Variants in COL24A1 observed in about 807,000 individuals in gnomAD.
COL24A1 encodes the protein collagen alpha-1(XXIV) chain.
Under a neutral mutation model 253.9 loss-of-function variants are expected in COL24A1, and 224 were observed. That is an observed-to-expected ratio of 0.88 (90% CI 0.79 to 0.99). The LOEUF is 0.99. Ranked by LOEUF, COL24A1 falls within the 50% of genes least tolerant of loss-of-function variation. The probability of loss-of-function intolerance (pLI) is 0.00; values close to 1 mark genes in which losing one functional copy is unlikely to be tolerated. For missense variants in COL24A1, 2,131 were observed against 2,068.5 expected, an observed-to-expected ratio of 1.03 and a Z score of -0.59; for synonymous variants, 685 against 673.7, an observed-to-expected ratio of 1.02 and a Z score of -0.26.
chr1:86,003,840 G>C (rs1695672376), intron 19 of COL24A1, among the ~76,000 whole-genome samples: 1 of 152,088 alleles, frequency 6.6e-6, no homozygotes. Context: ...CATGGGATTA[G>C]GCAAAGAGTA....
intron 47 of COL24A1, among the ~76,000 whole-genome samples, chr1:85,809,799 G>A (rs972188377): frequency 6.8e-6 from 1 of 146,520 alleles, no homozygotes; most frequent in Non-Finnish European, 1.5e-5. Context: ...ATTATATATA[G>A]TATATAATAT....
intron 24 of COL24A1, among the ~76,000 whole-genome samples, chr1:85,937,145 T>C (rs150105801): frequency 6.8e-6 from 1 of 147,466 alleles, no homozygotes; most frequent in Non-Finnish European, 1.5e-5. Flanking sequence ...CCAAACTTGG[T>C]TTATGGATAG....
intron 7 of COL24A1, among the ~76,000 whole-genome samples, chr1:86,087,819 C>A (rs1385863189): frequency 6.6e-6 from 1 of 152,284 alleles, no homozygotes; most frequent in Non-Finnish European, 1.5e-5. Context: ...GAAAAGATCA[C>A]TGCAGTTTCA....
chr1:85,988,834 A>G (rs1318956976), intron 19 of COL24A1, among the ~76,000 whole-genome samples: 1 of 152,132 alleles, frequency 6.6e-6, no homozygotes, highest in Non-Finnish European at 1.5e-5. Flanking sequence ...CTCGACTCAG[A>G]TTTAAAGCTT....
At chr1:86,135,766 G>A (rs1023663425) in intron 2 of COL24A1, among the ~76,000 whole-genome samples, 2 of 151,872 alleles carry the variant, frequency 1.3e-5, no homozygotes, top group Non-Finnish European at 2.9e-5. Context: ...GTGATAAGGG[G>A]GACATATTTG....
chr1:86,093,382 G>A (rs1212498992), intron 5 of COL24A1, among the ~76,000 whole-genome samples: 1 of 151,996 alleles, frequency 6.6e-6, no homozygotes, highest in Admixed American at 6.6e-5. Flanking sequence ...TTATTGAATA[G>A]GGAATCCTTT....
chr1:85,775,094 G>A (rs1198732576), intron 53 of COL24A1, among the ~76,000 whole-genome samples: 1 of 152,152 alleles, frequency 6.6e-6, no homozygotes, highest in African/African-American at 2.4e-5. Flanking sequence ...TGGTTTCAAA[G>A]AACATCTTTA....
chr1:85,836,815 G>A (rs1456004356), intron 43 of COL24A1, among the ~76,000 whole-genome samples: 10 of 152,174 alleles, frequency 6.6e-5, no homozygotes, highest in Non-Finnish European at 7.3e-5. Context: ...ATACAAGGAA[G>A]GGGAAGGAGA....
chr1:86,036,291 G>A (rs1699013946), intron 12 of COL24A1, among the ~76,000 whole-genome samples: 1 of 151,954 alleles, frequency 6.6e-6, no homozygotes, highest in South Asian at 2.1e-4. Context: ...CCAAGCCGTT[G>A]TGTATTGTTT....
At chr1:85,748,231 G>A (rs1385041832) in intron 55 of COL24A1, among the ~76,000 whole-genome samples, 1 of 152,166 alleles carries the variant, frequency 6.6e-6, no homozygotes, top group Admixed American at 6.5e-5. Flanking sequence ...AACTACTCAT[G>A]TCTTAATAAT....
At position 85,849,402 on chromosome 1, in the gene COL24A1, G is replaced by A. The variant is rs1274264954; in HGVS notation, c.3305C>T (p.Pro1102Leu). Residue 1102 changes from proline (P) to leucine (L), a missense_variant, in exon 38 of 60, where the codon CCT becomes CTT. Pro to Leu is a moderately conservative substitution (Grantham distance 98, BLOSUM62 -3). Coordinates refer to ENST00000370571, the MANE Select transcript of COL24A1 (RefSeq NM_152890.7). Reference sequence around the variant, plus strand: ...CCCTGGAATTCCCACAATTCCTTCAGGTCCCTAAAATATTCAATATAAAAA... The same window carrying A: ...CCCTGGAATTCCCACAATTCCTTCAAGTCCCTAAAATATTCAATATAAAAA... ...GRSGQTGLPG[P>L]EGIVGIPGQR... 5.0e-6 allele frequency: 8 copies of A among 1,610,482 alleles called. No individual in the cohort carries two copies. Among genetic ancestry groups the A allele is most frequent in the Non-Finnish European group, 6.8e-6 (8 of 1,177,888 alleles).
At chr1:85,873,520 G>T (rs1467489166) in intron 35 of COL24A1, among the ~76,000 whole-genome samples, 1 of 152,196 alleles carries the variant, frequency 6.6e-6, no homozygotes, top group Non-Finnish European at 1.5e-5. Context: ...AAAAAAGGAT[G>T]AGTTCATGTT....
intron 24 of COL24A1, among the ~76,000 whole-genome samples, chr1:85,959,406 A>C (rs1690794026): frequency 6.6e-6 from 1 of 152,120 alleles, no homozygotes; most frequent in African/African-American, 2.4e-5. Flanking sequence ...TTTATATGAG[A>C]TAGCTATTGA....
intron 7 of COL24A1, among the ~76,000 whole-genome samples, chr1:86,064,807 G>A (rs12097262): frequency 0.091 from 13,832 of 152,176 alleles, 663 homozygotes; most frequent in Middle Eastern, 0.14. Flanking sequence ...GTTGAAAAAC[G>A]TCATTTAGAA....
chr1:85,827,185 A>T (rs927411578), intron 43 of COL24A1, among the ~76,000 whole-genome samples: 1 of 151,912 alleles, frequency 6.6e-6, no homozygotes, highest in African/African-American at 2.4e-5. Context: ...TGAGATAATC[A>T]TGTGGTTTTT....
intron 24 of COL24A1, among the ~76,000 whole-genome samples, chr1:85,956,348 TTA>T (rs1690466375): frequency 6.6e-6 from 1 of 152,296 alleles, no homozygotes; most frequent in Admixed American, 6.5e-5. Context: ...ATGAGAGGGT[TTA>T]TGATTATAAA....
chr1:85,971,061 A>G (rs773447680), intron 21 of COL24A1, among the ~76,000 whole-genome samples: 1 of 152,042 alleles, frequency 6.6e-6, no homozygotes, highest in Non-Finnish European at 1.5e-5. Context: ...AAATACAAAA[A>G]TTAGCCAGGC....
At chr1:86,046,980 T>G (rs1699955993) in intron 11 of COL24A1, 111 bp from the exon 12 acceptor site, 3 of 740,700 alleles carry the variant, frequency 4.1e-6, no homozygotes, top group Non-Finnish European at 7.2e-6. Context: ...AAAAACAAAT[T>G]GTTCTATAAA....
chr1:85,873,078 G>GA (rs1358541092), intron 35 of COL24A1, among the ~76,000 whole-genome samples: 1 of 152,070 alleles, frequency 6.6e-6, no homozygotes, highest in Non-Finnish European at 1.5e-5. Flanking sequence ...ACAGACACAT[G>GA]AAAAAATGCT....
Sources: allele counts gnomAD v4.1 joint callset (sites outside exome capture counted in the v4.1 genomes callset), GRCh38; gene constraint gnomAD v4.1.1; transcripts MANE v1.5; gene names NCBI Gene and HGNC (gene_info 2026-07-23, HGNC 2026-07-21).